Variants in MYCBP2 observed in about 807,000 individuals in gnomAD.
The protein encoded by MYCBP2 is MYC binding protein 2.
MYCBP2 carries 120 observed loss-of-function variants against 525.3 expected under a neutral mutation model. The observed-to-expected ratio is 0.23, with a 90% confidence interval of 0.20 to 0.27. MYCBP2 has a LOEUF of 0.27. MYCBP2 is among the 10% of genes least tolerant of loss of function. The pLI is 1.00. For missense variants in MYCBP2, 4,149 were observed against 5,657.1 expected (o/e 0.73, Z 8.55); for synonymous variants, 1,894 against 1,955.8 (o/e 0.97, Z 0.83).
intron 1 of MYCBP2, among the ~76,000 whole-genome samples, chr13:77,315,348 G>GAAAAGAA (rs1307640690): frequency 1.3e-5 from 2 of 151,682 alleles, no homozygotes; most frequent in Non-Finnish European, 2.9e-5. Context: ...AGCAAGAAAA[G>GAAAAGAA]AAAAGAAAAA....
At chr13:77,265,121 C>T (rs983690973) in intron 8 of MYCBP2, among the ~76,000 whole-genome samples, 1 of 151,990 alleles carries the variant, frequency 6.6e-6, no homozygotes, top group Admixed American at 6.6e-5. Flanking sequence ...CAGGCAGACC[C>T]TTACCAAATA....
intron 26 of MYCBP2, among the ~76,000 whole-genome samples, chr13:77,195,044 C>A (rs1444103293): frequency 1.3e-5 from 2 of 150,488 alleles, no homozygotes; most frequent in African/African-American, 4.9e-5. Flanking sequence ...TTAAGAAAAC[C>A]TTTTTCCTCT....
At chr13:77,249,059 T>A (rs1378777862) in intron 15 of MYCBP2, among the ~76,000 whole-genome samples, 2 of 151,784 alleles carry the variant, frequency 1.3e-5, no homozygotes, top group Non-Finnish European at 2.9e-5. Flanking sequence ...GTACCTAGAG[T>A]AGTCAATCAG....
In MYCBP2 at chr13:77,233,137, G is replaced by C; in HGVS notation, c.2737+19C>G. 1 of 1,601,354 alleles carries C rather than the reference G, an allele frequency of 6.2e-7. No individual in the cohort carries two copies. Among genetic ancestry groups the C allele is most frequent in the Non-Finnish European group, 8.5e-7 (1 of 1,169,654 alleles). On this transcript the variant is annotated intron_variant, in intron 18 of 82. Coordinates refer to ENST00000544440, the MANE Select transcript of MYCBP2 (RefSeq NM_015057.5). ...AATTGGGAAAGTATCCCACCTAGGT[G>C]ATAAGGAAGACCAAATACCTTTGTG...
rs1213070267 is a variant in MYCBP2, at chr13:77,243,825, T to C, written c.2508A>G (p.Ile836Met). ...RGILDAVKEM[I>M]PLDLLLAVPV... ...AATTACCTAAAAGAAGATCTAAAGG[T>C]ATCATTTCTTTCACTGCATCAAGAA... Residue 836 changes from isoleucine to methionine, a missense_variant, in exon 16 of 83, where the codon ATA (isoleucine) becomes ATG (methionine). Ile to Met is a conservative substitution (Grantham distance 10). This residue lies in a region of MYCBP2 where 620 missense variants were observed against 795.5 expected (regional missense o/e 0.78). Transcript: ENST00000544440. 1.2e-6 allele frequency: 2 copies of C among 1,613,592 alleles called. No individual in the cohort carries two copies. The highest frequency in any genetic ancestry group is 3.3e-5 in the Admixed American group (2 of 59,892).
chr13:77,053,793 T>G (rs1484974665), intron 80 of MYCBP2, among the ~76,000 whole-genome samples: 1 of 152,200 alleles, frequency 6.6e-6, no homozygotes, highest in African/African-American at 2.4e-5. Flanking sequence ...GTATTTTCTT[T>G]TTGCTACATT....
Position 77,174,474 on chromosome 13 carries a change from C to A in MYCBP2, c.5488G>T (p.Ala1830Ser). ...CTTCCATAGTTCCTCAAGCGCACAG[C>A]ATATTTAACATTTTCCTTCATTATA... Reference protein sequence around the residue: ...VVPLKENVKYAVRLRNYGSRT... With the variant: ...VVPLKENVKYSVRLRNYGSRT... The change falls in exon 37 of 83, where the codon GCT becomes TCT. Residue 1830 changes from alanine to serine, a missense_variant. Physicochemically the swap from Ala to Ser is moderately conservative, Grantham distance 99. Transcript: ENST00000544440. 1 of 1,613,432 alleles carries A rather than the reference C, an allele frequency of 6.2e-7. No homozygotes were observed.
chr13:77,229,736 G>A (rs2066871415), intron 18 of MYCBP2, among the ~76,000 whole-genome samples: 1 of 152,052 alleles, frequency 6.6e-6, no homozygotes, highest in Admixed American at 6.6e-5. Flanking sequence ...AAGACATTTT[G>A]CACAGCCATG....
In MYCBP2 at chr13:77,097,828, A is replaced by C; in HGVS notation, c.9326T>G (p.Ile3109Arg). 1 of 1,613,750 alleles carries C rather than the reference A, an allele frequency of 6.2e-7. No homozygotes were observed. Among genetic ancestry groups the C allele is most frequent in the East Asian group, 2.2e-5 (1 of 44,854 alleles). The change falls in exon 56 of 83, where the codon ATA (isoleucine) becomes AGA (arginine). Residue 3109 changes from isoleucine (I) to arginine (R), a missense_variant. Around this residue, in one of 21 missense-constraint regions of MYCBP2, gnomAD observed 653 missense variants for 744.7 expected, o/e 0.88. Coordinates refer to ENST00000544440, the MANE Select transcript of MYCBP2 (RefSeq NM_015057.5). ...TTTGTTGATGCTACCCATCTTAGAT[A>C]TATCTGGTCCATGGGGTGCAATATT... Reference protein sequence around the residue: ...MFNIAPHGPDISKMGSINKNK... With the variant: ...MFNIAPHGPDRSKMGSINKNK...
At chr13:77,141,113 A>T (rs541808367) in intron 49 of MYCBP2, among the ~76,000 whole-genome samples, 170 bp from the exon 50 acceptor site, 3 of 152,362 alleles carry the variant, frequency 2.0e-5, no homozygotes, top group African/African-American at 7.2e-5. Context: ...GAAATATTTT[A>T]AAAATGGCCC....
At chr13:77,077,050 A>G in intron 67 of MYCBP2, 98 bp downstream of exon 67, 6 of 1,489,778 alleles carry the variant, frequency 4.0e-6, no homozygotes, top group Non-Finnish European at 5.4e-6. Flanking sequence ...ATTTATAGCC[A>G]GAAATTTCTG....
rs2082370343 is a variant in MYCBP2, at chr13:77,326,774, ATCC to A, written c.-2_1del. On this transcript the variant is annotated start_retained_variant and 5_prime_UTR_variant, in exon 1 of 83. Coordinates refer to ENST00000544440, the MANE Select transcript of MYCBP2 (RefSeq NM_015057.5). The surrounding 1 kb of genome is among the most constrained non-coding windows in gnomAD (Gnocchi z 4.2). ...GGAGGCAGTCGCTGCGCACATCATC[ATCC>A]TCGCCGCCGCCGCCGCCGCCGCCGC... 42 of 1,406,966 alleles carry A rather than the reference ATCC, an allele frequency of 3.0e-5. No individual in the cohort carries two copies. The highest frequency in any genetic ancestry group is 3.9e-5 in the Admixed American group (1 of 25,650). 87.2% of individuals were successfully genotyped at this position (1,406,966 alleles called of 1,614,324 possible). A position where few individuals can be genotyped will look rare whatever the true frequency, so the allele number is the denominator to read the frequency against.
At position 77,203,242 on chromosome 13, in the gene MYCBP2, A is replaced by G. The variant is rs555543215; in HGVS notation, c.3843+2014T>C. 5.0e-4 allele frequency among the ~76,000 whole-genome samples: 76 copies of G among 152,268 alleles called. No homozygotes were observed. The Middle Eastern group carries it at 0.017, about 34-fold the overall frequency. On this transcript the variant is annotated intron_variant, in intron 26 of 82. Transcript: ENST00000544440. Reference sequence around the variant, plus strand: ...GTACAAAAATCATAAGCATTCTTATACACCAACAACAGACAAACAGAGAGC... The same window carrying G: ...GTACAAAAATCATAAGCATTCTTATGCACCAACAACAGACAAACAGAGAGC...
Position 77,317,638 on chromosome 13 carries a change from T to G in MYCBP2, c.302+8836A>C, listed in dbSNP as rs117884376. Among the ~76,000 whole-genome samples the G allele has an allele frequency of 1.6e-4, 24 of 152,284 alleles. No homozygotes were observed. In the East Asian group the frequency reaches 4.4e-3, roughly 28 times the overall value. On this transcript the variant is annotated intron_variant, in intron 1 of 82. Coordinates refer to ENST00000544440, the MANE Select transcript of MYCBP2 (RefSeq NM_015057.5). ...CAAGATGGGACAAATGATTCTCCTA[T>G]TCTATAAAAGTGGGTCCCGGCCGGG...
rs138865949 is a variant in MYCBP2 at position 77,163,493 on chromosome 13, G to T, written c.6547+961C>A. 9.4e-3 allele frequency among the ~76,000 whole-genome samples: 1,427 copies of T among 152,154 alleles called. 13 individuals carry two copies. The highest frequency in any genetic ancestry group is 0.041 in the South Asian group (199 of 4,814). On this transcript the variant is annotated intron_variant, in intron 43 of 82. Transcript: ENST00000544440. Reference sequence around the variant, plus strand: ...AATGAAGGAGTAAAGATGGATTTTGGGGGGGTAAGAAAATAAAACTTTAAA... The same window carrying T: ...AATGAAGGAGTAAAGATGGATTTTGTGGGGGTAAGAAAATAAAACTTTAAA...
chr13:77,257,666 C>A lies in MYCBP2; in HGVS notation c.2176+5G>T, dbSNP rs1212165022. On this transcript the variant is annotated splice_donor_5th_base_variant and intron_variant, in intron 14 of 82. Transcript: ENST00000544440. ...AATTTTAATATCTAAGAATTAAAGA[C>A]CTACCTTTCCCACCTTGGTTCATGG... 1 of 1,550,850 alleles carries A rather than the reference C, an allele frequency of 6.4e-7. No individual in the cohort carries two copies. Among genetic ancestry groups the A allele is most frequent in the Admixed American group, 2.1e-5 (1 of 47,894 alleles).
intron 2 of MYCBP2, among the ~76,000 whole-genome samples, chr13:77,290,713 G>A (rs1185606190): frequency 6.6e-6 from 1 of 152,122 alleles, no homozygotes; most frequent in Admixed American, 6.5e-5. Context: ...AGAGGGTGAG[G>A]AAGGAAGATA....
chr13:77,289,792 G>A (rs1288932888), intron 2 of MYCBP2, among the ~76,000 whole-genome samples: 1 of 151,932 alleles, frequency 6.6e-6, no homozygotes, highest in African/African-American at 2.4e-5. Context: ...AGAATCTTAA[G>A]GAATCTGCAA....
rs1288005150 is a variant in MYCBP2, at chr13:77,270,101, ATAAT to A, written c.1189-42_1189-39del. The A allele has an allele frequency of 5.8e-6, 9 of 1,543,076 alleles. No homozygotes were observed. In the Admixed American group the frequency reaches 1.6e-4, roughly 27 times the overall value. ...CAAAAGTTAGTATATCAGTGGTTTCATAATTAATAATCAATGAAAAATAATACAA... is the reference window on the plus strand; with the variant it reads ...CAAAAGTTAGTATATCAGTGGTTTCATAATAATCAATGAAAAATAATACAA... On this transcript the variant is annotated intron_variant, in intron 6 of 82. Coordinates refer to ENST00000544440, the MANE Select transcript of MYCBP2 (RefSeq NM_015057.5).
Sources: gnomAD v4.1 joint callset for allele counts (sites outside exome capture counted in the v4.1 genomes callset) on GRCh38, gnomAD v4.1.1 for gene constraint, gnomAD v4.1.1 regional missense constraint, Gnocchi (gnomAD v3.1) non-coding constraint, MANE v1.5 for transcripts, NCBI Gene and HGNC (gene_info 2026-07-23, HGNC 2026-07-21) for gene names.